The following PCDHGA7 variants were observed in gnomAD, a reference collection of about 807,000 sequenced individuals.
PCDHGA7 encodes protocadherin gamma-A7.
A neutral mutation model predicts 58.3 loss-of-function variants in PCDHGA7; 44 were observed. That is an observed-to-expected ratio of 0.75 (90% CI 0.59 to 0.97). PCDHGA7 has a LOEUF of 0.97. Ranked by LOEUF, PCDHGA7 falls within the 50% of genes least tolerant of loss-of-function variation. The pLI is 0.00. For synonymous variants in PCDHGA7, 516 were observed against 504.2 expected (o/e 1.02, Z -0.31); for missense variants, 1,266 against 1,188.7 (o/e 1.06, Z -0.96).
chr5:141,487,667 A>G lies in PCDHGA7; in HGVS notation c.2425-7140A>G, dbSNP rs2099657916. ...GCTTGAGGGTTATTCTGATCCAGGC[A>G]TATGGCTAGGCCATGTCCTAGAGAG... On this transcript the variant is annotated intron_variant, in intron 1 of 3. Transcript: ENST00000518325. This position sits in a 1 kb window ranked among gnomAD's most constrained non-coding sequence, Gnocchi z 5.0. 6.2e-7 allele frequency: 1 copy of G among 1,612,782 alleles called. No individual in the cohort carries two copies. The highest frequency in any genetic ancestry group is 1.1e-5 in the South Asian group (1 of 90,692).
At chr5:141,494,156 C>T (rs566096073) in intron 1 of PCDHGA7, among the ~76,000 whole-genome samples, 22 of 152,316 alleles carry the variant, frequency 1.4e-4, no homozygotes, top group African/African-American at 4.3e-4. Context: ...TTGTCTGGCA[C>T]GGAGTTCTAG....
chr5:141,485,152 A>T lies in PCDHGA7; in HGVS notation c.2425-9655A>T. 1.3e-6 allele frequency: 2 copies of T among 1,586,090 alleles called. No homozygotes were observed. Among genetic ancestry groups the T allele is most frequent in the Non-Finnish European group, 8.6e-7 (1 of 1,157,176 alleles). ...CTTCATCCGCGTCTCAGGAGCAAGT[A>T]GAGAATTAGCGGGCGGCAGCAATGC... On this transcript the variant is annotated intron_variant, in intron 1 of 3. Coordinates refer to ENST00000518325, the MANE Select transcript of PCDHGA7 (RefSeq NM_018920.4). This position sits in a 1 kb window ranked among gnomAD's most constrained non-coding sequence, Gnocchi z 5.7.
chr5:141,462,597 T>C (rs182073985), intron 1 of PCDHGA7, among the ~76,000 whole-genome samples: 1 of 152,320 alleles, frequency 6.6e-6, no homozygotes, highest in East Asian at 1.9e-4. Context: ...TTCCATTTCA[T>C]ATATTGTATT....
At chr5:141,410,029 G>T (rs2095350230) in intron 1 of PCDHGA7, 15 of 1,613,274 alleles carry the variant, frequency 9.3e-6, no homozygotes, top group Non-Finnish European at 1.3e-5. Context: ...ACCACGTGCT[G>T]CAGGCCAGTG....
chr5:141,430,617 C>G, intron 1 of PCDHGA7: 1 of 715,450 alleles, frequency 1.4e-6, no homozygotes, highest in South Asian at 3.9e-5. Context: ...AAGCAGATAG[C>G]TAGGAATGAA....
intron 1 of PCDHGA7, chr5:141,433,126 G>A (rs1390613447): frequency 1.9e-6 from 3 of 1,614,120 alleles, no homozygotes; most frequent in Middle Eastern, 1.7e-4. Flanking sequence ...AAAAAAGCGA[G>A]CCCCTTTTGC....
intron 2 of PCDHGA7, among the ~76,000 whole-genome samples, chr5:141,503,340 T>A (rs1394172617): frequency 6.6e-6 from 1 of 152,064 alleles, no homozygotes; most frequent in African/African-American, 2.4e-5. Flanking sequence ...CTCACGCCTG[T>A]AATTCCAGCA....
chr5:141,449,095 T>C (rs2098628347), intron 1 of PCDHGA7, among the ~76,000 whole-genome samples: 1 of 152,204 alleles, frequency 6.6e-6, no homozygotes. Flanking sequence ...AGTTTTTACA[T>C]ATGCAGTATA....
At chr5:141,483,670 A>G (rs1158511173) in intron 1 of PCDHGA7, among the ~76,000 whole-genome samples, 1 of 138,404 alleles carries the variant, frequency 7.2e-6, no homozygotes, top group African/African-American at 3.1e-5. Context: ...GTGTGTGTGT[A>G]AAAGAACACA....
intron 1 of PCDHGA7, chr5:141,430,857 A>T: frequency 6.3e-7 from 1 of 1,591,434 alleles, no homozygotes; most frequent in Non-Finnish European, 8.5e-7. Flanking sequence ...CAGATACGCT[A>T]TTCAGTTCCG....
intron 1 of PCDHGA7, among the ~76,000 whole-genome samples, chr5:141,468,088 G>T (rs186503104): frequency 6.6e-6 from 1 of 152,186 alleles, no homozygotes; most frequent in East Asian, 1.9e-4. Context: ...ACTTTGGGAG[G>T]TTGAGGCAGG....
intron 1 of PCDHGA7, among the ~76,000 whole-genome samples, chr5:141,453,217 G>A (rs770914741): frequency 1.2e-4 from 19 of 152,100 alleles, no homozygotes; most frequent in Admixed American, 1.0e-3. Context: ...GCACTTAAGC[G>A]ATCCTCCCAC....
Position 141,489,351 on chromosome 5 carries a change from G to A in PCDHGA7, c.2425-5456G>A, listed in dbSNP as rs2099685862. ...GGCAGCTTCGTTACTCAGTGGTGGAGGAGTCTGAGCCGGGGACGCTGGTGG... is the reference window on the plus strand; with the variant it reads ...GGCAGCTTCGTTACTCAGTGGTGGAAGAGTCTGAGCCGGGGACGCTGGTGG... On this transcript the variant is annotated intron_variant, in intron 1 of 3. Transcript: ENST00000518325. This position sits in a 1 kb window ranked among gnomAD's most constrained non-coding sequence, Gnocchi z 4.5. The A allele has an allele frequency of 6.2e-7, 1 of 1,612,202 alleles. No individual in the cohort carries two copies. The highest frequency in any genetic ancestry group is 1.3e-5 in the African/African-American group (1 of 75,006).
In PCDHGA7 at chr5:141,477,650, A is replaced by G. The variant is rs199931735; in HGVS notation, c.2425-17157A>G. ...CGGGCTAGTGGGTCGCTATTTCACA[A>G]TAAATCGTGACAATGGCATAGTGTC... On this transcript the variant is annotated intron_variant, in intron 1 of 3. Transcript: ENST00000518325. This position sits in a 1 kb window ranked among gnomAD's most constrained non-coding sequence, Gnocchi z 4.9. The G allele has an allele frequency of 6.2e-6, 10 of 1,614,212 alleles. No individual in the cohort carries two copies. The highest frequency in any genetic ancestry group is 2.2e-5 in the East Asian group (1 of 44,888).
At chr5:141,437,032 C>T (rs2097859215) in intron 1 of PCDHGA7, among the ~76,000 whole-genome samples, 1 of 152,182 alleles carries the variant, frequency 6.6e-6, no homozygotes, top group Admixed American at 6.5e-5. Context: ...GAAAATGGAT[C>T]ACCGAAACCA....
intron 2 of PCDHGA7, among the ~76,000 whole-genome samples, chr5:141,503,423 C>T (rs1018496430): frequency 6.6e-6 from 1 of 151,752 alleles, no homozygotes; most frequent in Non-Finnish European, 1.5e-5. Context: ...GGTGAAACCC[C>T]ATCTCTACTA....
chr5:141,452,278 T>C (rs1047687328), intron 1 of PCDHGA7, among the ~76,000 whole-genome samples: 1 of 152,226 alleles, frequency 6.6e-6, no homozygotes, highest in African/African-American at 2.4e-5. Context: ...AACCCTTTCT[T>C]ACTTTCTGAT....
intron 1 of PCDHGA7, chr5:141,389,438 C>A (rs781427097): frequency 6.2e-7 from 1 of 1,610,474 alleles, no homozygotes; most frequent in Non-Finnish European, 8.5e-7. Context: ...AGCGCGCCTT[C>A]GACCACGAGC....
At chr5:141,398,506 A>G (rs2093664607) in intron 1 of PCDHGA7, 1 of 1,601,998 alleles carries the variant, frequency 6.2e-7, no homozygotes, top group South Asian at 1.1e-5. Context: ...CGAGGACATT[A>G]ATGACCACAC....
Sources: allele counts gnomAD v4.1 joint callset (sites outside exome capture counted in the v4.1 genomes callset), GRCh38; gene constraint gnomAD v4.1.1; non-coding constraint Gnocchi (gnomAD v3.1); transcripts MANE v1.5; gene names NCBI Gene and HGNC (gene_info 2026-07-23, HGNC 2026-07-21).